GNE: variants seen among roughly 807,000 people sequenced by gnomAD.
GNE encodes glucosamine (UDP-N-acetyl)-2-epimerase/N-acetylmannosamine kinase.
GNE carries 41 observed loss-of-function variants against 61.8 expected under a neutral mutation model. The observed-to-expected ratio is 0.66, with a 90% CI of 0.52 to 0.86. The LOEUF (loss-of-function observed/expected upper bound fraction) is 0.86, where lower values mean the gene tolerates loss of function less well. Ranked by LOEUF, GNE falls within the 40% of genes least tolerant of loss-of-function variation. The pLI is 0.00. For synonymous variants in GNE, 264 were observed against 326.4 expected, an observed-to-expected ratio of 0.81 and a Z score of 2.06; for missense variants, 608 against 909.1, an observed-to-expected ratio of 0.67 and a Z score of 4.26.
intron 4 of GNE, among the ~76,000 whole-genome samples, chr9:36,235,014 C>T (rs1214614297): frequency 1.3e-5 from 2 of 152,098 alleles, no homozygotes; most frequent in East Asian, 3.8e-4. Flanking sequence ...ATGGTTGGGA[C>T]CAGAAATATT....
intron 5 of GNE, among the ~76,000 whole-genome samples, chr9:36,229,551 A>G (rs1182332851): frequency 6.6e-6 from 1 of 152,176 alleles, no homozygotes; most frequent in Non-Finnish European, 1.5e-5. Flanking sequence ...GAAAATGGCC[A>G]CACTGTTCAA....
At chr9:36,255,105 C>G (rs1185375611) in intron 1 of GNE, among the ~76,000 whole-genome samples, 2 of 152,212 alleles carry the variant, frequency 1.3e-5, no homozygotes, top group Admixed American at 6.5e-5. Flanking sequence ...CTTTGAGTAA[C>G]TGGTAAGTAC....
chr9:36,235,850 T>A (rs1829368145), intron 4 of GNE, among the ~76,000 whole-genome samples: 1 of 152,176 alleles, frequency 6.6e-6, no homozygotes, highest in South Asian at 2.1e-4. Flanking sequence ...AAAAAAAGCC[T>A]AAGAACTCAA....
chr9:36,237,827 C>G (rs1004454792), intron 3 of GNE, among the ~76,000 whole-genome samples: 4 of 151,668 alleles, frequency 2.6e-5, no homozygotes, highest in African/African-American at 9.7e-5. Flanking sequence ...ACTCTTCCCC[C>G]CAAGTCCCCA....
At position 36,217,261 on chromosome 9, in the gene GNE, A is replaced by G. The variant is rs1828358786; in HGVS notation, c.*104T>C. The G allele has an allele frequency of 1.3e-6, 1 of 791,512 alleles. No individual in the cohort carries two copies. Among genetic ancestry groups the G allele is most frequent in the Non-Finnish European group, 2.2e-6 (1 of 461,746 alleles). 49.0% of individuals were successfully genotyped at this position (791,512 alleles called of 1,614,324 possible). On this transcript the variant is annotated 3_prime_UTR_variant, in exon 12 of 12. Transcript: ENST00000642385. ...ACATTTCTCTGCCAAAGTCACCTGC[A>G]GTTCAATACCAGATTTGATTGTTAA... is the stretch of plus-strand genomic sequence containing the variant.
intron 5 of GNE, among the ~76,000 whole-genome samples, chr9:36,230,022 C>T (rs1201036082): frequency 6.6e-6 from 1 of 152,118 alleles, no homozygotes; most frequent in Non-Finnish European, 1.5e-5. Flanking sequence ...TCTCAGCTCA[C>T]TGCAACCTCT....
chr9:36,221,985 G>C (rs887367837), intron 9 of GNE, among the ~76,000 whole-genome samples: 2 of 152,224 alleles, frequency 1.3e-5, no homozygotes, highest in East Asian at 1.9e-4. Flanking sequence ...GGGGCAGGAC[G>C]AACTTATTTT....
At chr9:36,235,272 G>A (rs946226339) in intron 4 of GNE, among the ~76,000 whole-genome samples, 4 of 152,150 alleles carry the variant, frequency 2.6e-5, no homozygotes, top group Admixed American at 6.5e-5. Context: ...TTCAGGTTTC[G>A]ATTCAGTTGA....
chr9:36,260,035 G>A (rs1244742508), upstream of GNE, among the ~76,000 whole-genome samples: 2 of 152,082 alleles, frequency 1.3e-5, no homozygotes, highest in African/African-American at 4.8e-5. Flanking sequence ...AACTGAAGTG[G>A]ATGGATATGA....
At chr9:36,276,178 A>G (rs1831255378) in intron 1 of GNE, among the ~76,000 whole-genome samples, 2 of 93,842 alleles carry the variant, frequency 2.1e-5, no homozygotes, top group Admixed American at 2.6e-4. Flanking sequence ...GTCTTTAAAC[A>G]CACACACACA....
At chr9:36,220,755 C>T (rs1828550034) in intron 9 of GNE, among the ~76,000 whole-genome samples, 1 of 152,200 alleles carries the variant, frequency 6.6e-6, no homozygotes, top group Non-Finnish European at 1.5e-5. Context: ...TTTTTTGATG[C>T]TGCCATGTCT....
At chr9:36,268,302 T>G (rs1190056133) in intron 1 of GNE, among the ~76,000 whole-genome samples, 1 of 152,152 alleles carries the variant, frequency 6.6e-6, no homozygotes, top group African/African-American at 2.4e-5. Flanking sequence ...TAAAAACTAG[T>G]TTGCCTTTAA....
At chr9:36,229,802 G>GACACCC (rs1404748312) in intron 5 of GNE, among the ~76,000 whole-genome samples, 20 of 152,134 alleles carry the variant, frequency 1.3e-4, no homozygotes, top group Admixed American at 1.3e-3. Flanking sequence ...AGGCAGGAGA[G>GACACCC]ACACCCACAC....
chr9:36,256,394 G>A (rs899303446), intron 1 of GNE, among the ~76,000 whole-genome samples: 1 of 150,450 alleles, frequency 6.6e-6, no homozygotes, highest in African/African-American at 2.5e-5. Context: ...ACAGGCGCCT[G>A]CCACCACATC....
chr9:36,234,142 T>A lies in GNE; in HGVS notation c.770-10A>T. ...ACCATCTCTTTGCTCCCTATGAAAA[T>A]GAAAAGAACCAATTGGTAAATGGTT... On this transcript the variant is annotated splice_polypyrimidine_tract_variant and intron_variant, in intron 4 of 11. Coordinates refer to ENST00000642385, the MANE Select transcript of GNE (RefSeq NM_005476.7). 5 of 1,602,354 alleles carry A rather than the reference T, an allele frequency of 3.1e-6. No individual in the cohort carries two copies. The highest frequency in any genetic ancestry group is 3.4e-6 in the Non-Finnish European group (4 of 1,169,380).
At chr9:36,251,402 G>C (rs916089153) in intron 1 of GNE, among the ~76,000 whole-genome samples, 1 of 152,242 alleles carries the variant, frequency 6.6e-6, no homozygotes, top group South Asian at 2.1e-4. Flanking sequence ...TTGTTTTATG[G>C]AATTTTTTAA....
intron 1 of GNE, among the ~76,000 whole-genome samples, chr9:36,276,114 A>C (rs1831252860): frequency 6.6e-6 from 1 of 152,156 alleles, no homozygotes; most frequent in Non-Finnish European, 1.5e-5. Context: ...TGAAAGCTGC[A>C]GTGAGCTATG....
At chr9:36,238,685 G>A (rs559255738) in intron 3 of GNE, among the ~76,000 whole-genome samples, 1 of 152,276 alleles carries the variant, frequency 6.6e-6, no homozygotes, top group East Asian at 1.9e-4. Flanking sequence ...CTCCCACTCT[G>A]TGGTTGTCTG....
At chr9:36,241,089 T>C (rs1453595746) in intron 3 of GNE, among the ~76,000 whole-genome samples, 2 of 152,052 alleles carry the variant, frequency 1.3e-5, no homozygotes, top group African/African-American at 2.4e-5. Context: ...TTATTTATCT[T>C]TTCAAAGAAC....
Sources: gnomAD v4.1 joint callset for allele counts (sites outside exome capture counted in the v4.1 genomes callset) on GRCh38, gnomAD v4.1.1 for gene constraint, MANE v1.5 for transcripts, NCBI Gene and HGNC (gene_info 2026-07-23, HGNC 2026-07-21) for gene names.